The following TMEM63C variants were observed in gnomAD, a reference collection of about 807,000 sequenced individuals.
TMEM63C encodes the protein osmosensitive cation channel TMEM63C.
TMEM63C carries 32 observed loss-of-function variants against 99.2 expected under a neutral mutation model. The ratio of observed to expected loss-of-function variants is 0.32; its 90% CI spans 0.24 to 0.43. The LOEUF is 0.43. TMEM63C is among the 20% of genes least tolerant of loss of function. The pLI, the probability that TMEM63C is intolerant of heterozygous loss-of-function variation, is 1.00. For missense variants in TMEM63C, 826 were observed against 1,053.0 expected, an observed-to-expected ratio of 0.78 and a Z score of 2.98; for synonymous variants, 376 against 397.9, an observed-to-expected ratio of 0.94 and a Z score of 0.66.
At chr14:77,230,071 G>A (rs1448086119) in intron 6 of TMEM63C, among the ~76,000 whole-genome samples, 1 of 151,898 alleles carries the variant, frequency 6.6e-6, no homozygotes, top group African/African-American at 2.4e-5. Flanking sequence ...GCGTGGTGGC[G>A]CACACCTATA....
intron 9 of TMEM63C, among the ~76,000 whole-genome samples, chr14:77,237,419 G>A (rs750944622): frequency 7.2e-5 from 11 of 152,158 alleles, no homozygotes; most frequent in Non-Finnish European, 1.3e-4. Flanking sequence ...TTTATGGGAG[G>A]TGATCCCAGG....
At chr14:77,224,119 A>G (rs1594859701) in intron 5 of TMEM63C, among the ~76,000 whole-genome samples, 1 of 151,834 alleles carries the variant, frequency 6.6e-6, no homozygotes, top group East Asian at 2.0e-4. Flanking sequence ...TGCTGTGAAC[A>G]CCCTCGAGTG....
chr14:77,217,417 A>C (rs1888608798), intron 2 of TMEM63C, among the ~76,000 whole-genome samples: 1 of 152,200 alleles, frequency 6.6e-6, no homozygotes, highest in Non-Finnish European at 1.5e-5. Flanking sequence ...TTGTCTCCCC[A>C]GTAGAATCCC....
intron 1 of TMEM63C, among the ~76,000 whole-genome samples, chr14:77,201,325 C>G (rs1888297809): frequency 1.3e-5 from 2 of 152,188 alleles, no homozygotes; most frequent in Non-Finnish European, 2.9e-5. Context: ...ACCTTGAGTT[C>G]AGGGAACAGA....
chr14:77,240,649 T>C (rs1271909204), intron 13 of TMEM63C, 41 bp downstream of exon 13: 2 of 1,595,084 alleles, frequency 1.3e-6, no homozygotes, highest in East Asian at 2.2e-5. Flanking sequence ...CCAAGCATAC[T>C]CCTGCTTCTC....
In TMEM63C at chr14:77,246,925, C is replaced by G. The variant is rs1889277824; in HGVS notation, c.1601+251C>G. Among the ~76,000 whole-genome samples the G allele has an allele frequency of 2.0e-5, 3 of 152,200 alleles. No individual in the cohort carries two copies. In the South Asian group the frequency reaches 6.2e-4, roughly 32 times the overall value. On this transcript the variant is annotated intron_variant, in intron 18 of 23. Transcript: ENST00000298351. ...ATAGTCACAGGAAGTTGCCCCCAAA[C>G]TGTATGCAGGGTGGGTGTTCCATGA... is the stretch of plus-strand genomic sequence containing the variant.
Position 77,256,861 on chromosome 14 carries a change from A to T in TMEM63C, c.*135A>T. The stretch of plus-strand genomic sequence containing the variant: ...GAAGCCCACAGTGGAGACATCCACC[A>T]CCCCAGCCATGGGCCATACGGGGGT... On this transcript the variant is annotated 3_prime_UTR_variant, in exon 24 of 24. Coordinates refer to ENST00000298351, the MANE Select transcript of TMEM63C (RefSeq NM_020431.4). The T allele has an allele frequency of 1.2e-6, 1 of 818,924 alleles. No homozygotes were observed. Among genetic ancestry groups the T allele is most frequent in the Admixed American group, 2.8e-5 (1 of 36,060 alleles). The allele number at this position is 818,924 out of a possible 1,614,324, so 50.7% of individuals were successfully genotyped here.
chr14:77,251,189 T>C (rs558166160), intron 21 of TMEM63C, among the ~76,000 whole-genome samples: 11 of 152,236 alleles, frequency 7.2e-5, no homozygotes, highest in Non-Finnish European at 1.5e-4. Context: ...TTCTCCGTGA[T>C]TGGATATTGA....
rs1889465897 is a variant in TMEM63C at position 77,256,591 on chromosome 14, G to C, written c.2286G>C (p.Arg762Ser). Residue 762 changes from arginine to serine, a missense_variant, in exon 24 of 24, where the codon AGG becomes AGC. Arg to Ser is a moderately radical substitution (Grantham distance 110). Transcript: ENST00000298351. Reference protein sequence around the residue: ...LNLTPASSPARHTYGTMNNQP... With the variant: ...LNLTPASSPASHTYGTMNNQP... ...TGACCCCCGCCTCCTCCCCAGCCAG[G>C]CACACCTATGGCACCATGAACAACC... is the stretch of plus-strand genomic sequence containing the variant. The C allele has an allele frequency of 1.3e-5, 21 of 1,613,882 alleles. No homozygotes were observed. The highest frequency in any genetic ancestry group is 1.6e-5 in the Non-Finnish European group (19 of 1,179,886).
In TMEM63C at chr14:77,224,755, G is replaced by A. The variant is rs182021908; in HGVS notation, c.313-669G>A. ...GCCACCAAACCACGCCAGGTTTCAT[G>A]ATGTTTACTGAGGTGCAGGAATTCA... is the stretch of plus-strand genomic sequence containing the variant. On this transcript the variant is annotated intron_variant, in intron 5 of 23. Coordinates refer to ENST00000298351, the MANE Select transcript of TMEM63C (RefSeq NM_020431.4). Among the ~76,000 whole-genome samples the A allele has an allele frequency of 3.0e-3, 458 of 152,260 alleles. 12 individuals carry two copies. The highest frequency in any genetic ancestry group is 0.026 in the Admixed American group (394 of 15,298).
chr14:77,202,825 GCACACACACA>G lies in TMEM63C; in HGVS notation c.-76-10589_-76-10580del, dbSNP rs60544528. Among the ~76,000 whole-genome samples the G allele has an allele frequency of 3.4e-3, 479 of 141,026 alleles. 3 individuals carry two copies. Among genetic ancestry groups the G allele is most frequent in the Admixed American group, 3.8e-3 (53 of 14,124 alleles). 92.5% of individuals were successfully genotyped at this position (141,026 alleles called of 152,430 possible). A position where few individuals can be genotyped will look rare whatever the true frequency, so the allele number is the denominator to read the frequency against. ...TAGCTACAGAGGCAGACAGGCAGGCGCACACACACACACACACACACACACACACACACAC... is the reference window on the plus strand; with the variant it reads ...TAGCTACAGAGGCAGACAGGCAGGCGCACACACACACACACACACACACAC... On this transcript the variant is annotated intron_variant, in intron 1 of 23. Transcript: ENST00000298351.
intron 1 of TMEM63C, among the ~76,000 whole-genome samples, chr14:77,182,988 T>C (rs1046705353): frequency 1.3e-5 from 2 of 152,168 alleles, no homozygotes; most frequent in African/African-American, 4.8e-5. Context: ...CTTATCCTTG[T>C]TCTCTCTCCG....
chr14:77,191,364 C>CAA (rs2140090213), intron 1 of TMEM63C, among the ~76,000 whole-genome samples: 2 of 152,202 alleles, frequency 1.3e-5, no homozygotes, highest in South Asian at 4.2e-4. Flanking sequence ...TATTCTTTAC[C>CAA]TGTAGCCTAA....
chr14:77,241,683 C>T (rs1042828006), intron 13 of TMEM63C, among the ~76,000 whole-genome samples: 14 of 152,208 alleles, frequency 9.2e-5, no homozygotes, highest in Admixed American at 3.3e-4. Flanking sequence ...TGATATCTGT[C>T]CTGTTCACCT....
At chr14:77,220,914 TCACGC>T (rs1888686085) in intron 5 of TMEM63C, among the ~76,000 whole-genome samples, 1 of 15,928 alleles carries the variant, frequency 6.3e-5, no homozygotes, top group Non-Finnish European at 1.5e-4. Flanking sequence ...CGCCTCCCAC[TCACGC>T]CTCCTCTCCC....
chr14:77,205,855 C>CT (rs1287128373), intron 1 of TMEM63C, among the ~76,000 whole-genome samples: 2 of 151,180 alleles, frequency 1.3e-5, no homozygotes, highest in Non-Finnish European at 2.9e-5. Flanking sequence ...CGGGCCTTGG[C>CT]TTTAGATCTC....
In TMEM63C at chr14:77,236,639, G is replaced by C. The variant is rs1889066417; in HGVS notation, c.558G>C (p.Trp186Cys). ...CTCCCTGCAGGAGCAAGCTCCTGTG[G>C]CTGCATAGCCTGCTGTCCTTCTTCT... ...VNVSTESKLLWLHSLLSFFYF... is the reference protein window; with the variant it reads ...VNVSTESKLLCLHSLLSFFYF... Residue 186 changes from tryptophan to cysteine, a missense_variant, in exon 9 of 24, where the codon TGG (tryptophan) becomes TGC (cysteine). Coordinates refer to ENST00000298351, the MANE Select transcript of TMEM63C (RefSeq NM_020431.4). 1 of 1,612,282 alleles carries C rather than the reference G, an allele frequency of 6.2e-7. No individual in the cohort carries two copies. The highest frequency in any genetic ancestry group is 1.7e-5 in the Admixed American group (1 of 59,936).
intron 1 of TMEM63C, among the ~76,000 whole-genome samples, chr14:77,194,332 A>ATG (rs1363601543): frequency 0.019 from 1,102 of 59,370 alleles, 8 homozygotes; most frequent in Admixed American, 0.03. Flanking sequence ...ATAGATATAT[A>ATG]TATATGTGTG....
At chr14:77,236,372 C>G (rs61993368) in intron 8 of TMEM63C, among the ~76,000 whole-genome samples, 4,923 of 5,128 alleles carry the variant, frequency 0.96, 2,439 homozygotes, top group Middle Eastern at 1. Flanking sequence ...GGGGTATGGG[C>G]AGACTGGTGG....
Sources: allele counts gnomAD v4.1 joint callset (sites outside exome capture counted in the v4.1 genomes callset), GRCh38; gene constraint gnomAD v4.1.1; transcripts MANE v1.5; gene names NCBI Gene and HGNC (gene_info 2026-07-23, HGNC 2026-07-21).